The following YTHDC2 variants were observed in gnomAD, a reference collection of about 807,000 sequenced individuals.
YTHDC2 encodes YTH N6-methyladenosine RNA binding protein C2, also known as 3'-5' RNA helicase YTHDC2.
In YTHDC2, 45 loss-of-function variants were observed where a neutral mutation model predicts 174.9. The observed-to-expected ratio is 0.26, with a 90% CI of 0.20 to 0.33. The LOEUF (loss-of-function observed/expected upper bound fraction) is 0.33. YTHDC2 is among the 10% of genes least tolerant of loss of function. The pLI is 1.00. For synonymous variants in YTHDC2, 657 were observed against 574.5 expected (o/e 1.14, Z -2.05); for missense variants, 1,650 against 1,723.7 (o/e 0.96, Z 0.76).
intron 10 of YTHDC2, 71 bp downstream of exon 10, chr5:113,542,574 C>T (rs369812390): frequency 8.6e-6 from 12 of 1,398,356 alleles, no homozygotes; most frequent in South Asian, 5.8e-5. Context: ...TAATTCAAAA[C>T]GTATGTACTA....
At chr5:113,555,233 A>C (rs148503280) in intron 16 of YTHDC2, among the ~76,000 whole-genome samples, 235 of 152,196 alleles carry the variant, frequency 1.5e-3, no homozygotes, top group African/African-American at 5.4e-3. Context: ...AATTTAAAAC[A>C]TGGGTAGTGT....
Position 113,563,935 on chromosome 5 carries a change from A to G in YTHDC2, c.2519A>G (p.His840Arg), listed in dbSNP as rs1203359820. 1.2e-6 allele frequency: 2 copies of G among 1,614,048 alleles called. No homozygotes were observed. Among genetic ancestry groups the G allele is most frequent in the Non-Finnish European group, 1.7e-6 (2 of 1,180,030 alleles). ...TTGGCTGACTTGCCAGTAGAACCAC[A>G]TCTTGGTAAAATGGTCTTGTGTGCT... ...YHLADLPVEPHLGKMVLCAVV... is the reference protein window; with the variant it reads ...YHLADLPVEPRLGKMVLCAVV... The change falls in exon 20 of 30, where the codon CAT becomes CGT. Residue 840 changes from histidine to arginine, a missense_variant. His to Arg is a conservative substitution (Grantham distance 29). Around this residue, in one of 5 missense-constraint regions of YTHDC2, gnomAD observed 913 missense variants for 940.4 expected, o/e 0.97. Coordinates refer to ENST00000161863, the MANE Select transcript of YTHDC2 (RefSeq NM_022828.5).
In YTHDC2 at chr5:113,514,121, AC is replaced by A. The variant is rs530299218; in HGVS notation, c.187+45del. 793 of 1,581,526 alleles carry A rather than the reference AC, an allele frequency of 5.0e-4. 3 individuals carry two copies. The African/African-American group carries it at 8.8e-3, about 17-fold the overall frequency. On this transcript the variant is annotated intron_variant, in intron 1 of 29. Coordinates refer to ENST00000161863, the MANE Select transcript of YTHDC2 (RefSeq NM_022828.5). ...CAGGGACCATGCTGGCAGTCAGGAT[AC>A]CCCCCTCACCCCAGCGCCCCCCAAA...
At chr5:113,579,783 A>G (rs773207527) in intron 24 of YTHDC2, 88 bp downstream of exon 24, 11 of 1,372,244 alleles carry the variant, frequency 8.0e-6, no homozygotes, top group Admixed American at 6.3e-5. Flanking sequence ...TTTCTTTACT[A>G]TTGAGCCCTT....
At chr5:113,581,856 G>A in intron 25 of YTHDC2, 147 bp downstream of exon 25, 1 of 638,818 alleles carries the variant, frequency 1.6e-6, no homozygotes, top group Non-Finnish European at 2.3e-6. Context: ...AGTGGAAAGA[G>A]TTTTCTACTT....
At chr5:113,576,552 G>A (rs1188346916) in intron 23 of YTHDC2, among the ~76,000 whole-genome samples, 1 of 152,094 alleles carries the variant, frequency 6.6e-6, no homozygotes, top group East Asian at 1.9e-4. Flanking sequence ...TATTAGCACC[G>A]TTAAGAGTGA....
chr5:113,545,727 C>CTTT (rs1561654277), intron 10 of YTHDC2, among the ~76,000 whole-genome samples: 2 of 80,368 alleles, frequency 2.5e-5, no homozygotes, highest in Non-Finnish European at 2.1e-5. Flanking sequence ...AATTGATCTC[C>CTTT]ATTTTTTTTT....
chr5:113,536,805 C>A (rs1240112049), intron 7 of YTHDC2, among the ~76,000 whole-genome samples: 5 of 152,004 alleles, frequency 3.3e-5, no homozygotes, highest in African/African-American at 1.2e-4. Flanking sequence ...TCTTCATCTT[C>A]ACAAAAATGT....
intron 15 of YTHDC2, 31 bp from the exon 16 acceptor site, chr5:113,553,911 T>C: frequency 6.3e-7 from 1 of 1,582,498 alleles, no homozygotes; most frequent in Non-Finnish European, 8.5e-7. Context: ...TTCTGTTTTT[T>C]TATTAACTTT....
At position 113,533,065 on chromosome 5, in the gene YTHDC2, A is replaced by T; in HGVS notation, c.842+20A>T. ...AAGCAGGTAAAAACAGTTCTCATGTATCTTCTCTTTTATCATGCTTAAAAA... is the reference window on the plus strand; with the variant it reads ...AAGCAGGTAAAAACAGTTCTCATGTTTCTTCTCTTTTATCATGCTTAAAAA... On this transcript the variant is annotated intron_variant, in intron 5 of 29. Coordinates refer to ENST00000161863, the MANE Select transcript of YTHDC2 (RefSeq NM_022828.5). The T allele has an allele frequency of 6.2e-7, 1 of 1,611,522 alleles. No homozygotes were observed. The highest frequency in any genetic ancestry group is 8.5e-7 in the Non-Finnish European group (1 of 1,178,718).
rs548948315 is a variant in YTHDC2 at position 113,555,667 on chromosome 5, C to T, written c.2134-385C>T. Among the ~76,000 whole-genome samples the T allele has an allele frequency of 7.5e-4, 94 of 125,568 alleles. 2 individuals carry two copies. In the South Asian group the frequency reaches 0.031, roughly 41 times the overall value. 82.4% of individuals were successfully genotyped at this position (125,568 alleles called of 152,430 possible). On this transcript the variant is annotated intron_variant, in intron 16 of 29. Coordinates refer to ENST00000161863, the MANE Select transcript of YTHDC2 (RefSeq NM_022828.5). ...GAAAAGTATTTCAGAAAATGTCTTT[C>T]CTTGATCTTCTTATTCTGCACAGTG...
At position 113,591,213 on chromosome 5, in the gene YTHDC2, T is replaced by G; in HGVS notation, c.3998T>G (p.Val1333Gly). The G allele has an allele frequency of 6.2e-7, 1 of 1,613,934 alleles. No homozygotes were observed. The highest frequency in any genetic ancestry group is 8.5e-7 in the Non-Finnish European group (1 of 1,179,860). ...TGGGAAAGCAGCATAGTTTACTTGG[T>G]ATTTTCTGTTCAAGGATCTGGACAT... is the stretch of plus-strand genomic sequence containing the variant. ...AFWESSIVYLVFSVQGSGHFQ... is the reference protein window; with the variant it reads ...AFWESSIVYLGFSVQGSGHFQ... The change falls in exon 27 of 30, where the codon GTA becomes GGA. Residue 1333 changes from valine (V) to glycine (G), a missense_variant. By Grantham distance (109) the Val-to-Gly change is moderately radical. Around this residue, in one of 5 missense-constraint regions of YTHDC2, gnomAD observed 913 missense variants for 940.4 expected, o/e 0.97. Transcript: ENST00000161863.
At chr5:113,589,406 A>ATATATATATATATATATATAT (rs1350140447) in intron 26 of YTHDC2, among the ~76,000 whole-genome samples, 6 of 111,142 alleles carry the variant, frequency 5.4e-5, no homozygotes, top group African/African-American at 2.0e-4. Flanking sequence ...AAAAAAAAAA[A>ATATATATATATATATATATAT]AAATATATAT....
intron 23 of YTHDC2, among the ~76,000 whole-genome samples, chr5:113,577,337 TC>T (rs1406570614): frequency 3.3e-5 from 5 of 151,388 alleles, no homozygotes; most frequent in Non-Finnish European, 7.4e-5. Flanking sequence ...CTTCTTGTAA[TC>T]CTTTTGCAAA....
intron 4 of YTHDC2, among the ~76,000 whole-genome samples, chr5:113,530,234 T>C (rs1477827878): frequency 1.3e-5 from 2 of 152,174 alleles, no homozygotes; most frequent in African/African-American, 4.8e-5. Flanking sequence ...ATAACTTTTA[T>C]TTAAAAATCT....
chr5:113,544,074 A>G (rs1179216019), intron 10 of YTHDC2, among the ~76,000 whole-genome samples: 3 of 152,152 alleles, frequency 2.0e-5, no homozygotes, highest in African/African-American at 7.2e-5. Flanking sequence ...AAACTTTGTC[A>G]GTTTTACTTA....
rs776028621 is a variant in YTHDC2, at chr5:113,535,638, A to G, written c.946-4A>G. On this transcript the variant is annotated splice_region_variant and splice_polypyrimidine_tract_variant and intron_variant, in intron 6 of 29. Coordinates refer to ENST00000161863, the MANE Select transcript of YTHDC2 (RefSeq NM_022828.5). ...TTCCATGGTTTTATTTCTGTTTACT[A>G]TAGGATGAAGTGCATGAAAGGGATC... 24 of 1,602,498 alleles carry G rather than the reference A, an allele frequency of 1.5e-5. No individual in the cohort carries two copies. In the East Asian group the frequency reaches 2.7e-4, roughly 18 times the overall value.
intron 7 of YTHDC2, among the ~76,000 whole-genome samples, chr5:113,538,554 T>G (rs1426746670): frequency 2.0e-5 from 3 of 152,150 alleles, no homozygotes; most frequent in Non-Finnish European, 2.9e-5. Flanking sequence ...TCATCATCAT[T>G]ATACACTTTT....
At position 113,554,928 on chromosome 5, in the gene YTHDC2, C is replaced by G. The variant is rs533884436; in HGVS notation, c.2133+906C>G. On this transcript the variant is annotated intron_variant, in intron 16 of 29. Transcript: ENST00000161863. ...TATCTATTTAGTGGATAAAAATGAT[C>G]GTTTTTAATGTGAAAAAAGTAATTG... is the stretch of plus-strand genomic sequence containing the variant. 2.3e-4 allele frequency among the ~76,000 whole-genome samples: 35 copies of G among 151,556 alleles called. No homozygotes were observed. In the South Asian group the frequency reaches 5.0e-3, roughly 22 times the overall value.
Sources: gnomAD v4.1 joint callset for allele counts (sites outside exome capture counted in the v4.1 genomes callset) on GRCh38, gnomAD v4.1.1 for gene constraint, gnomAD v4.1.1 regional missense constraint, MANE v1.5 for transcripts, NCBI Gene and HGNC (gene_info 2026-07-23, HGNC 2026-07-21) for gene names.